Variants in CENPK observed in about 807,000 individuals in gnomAD.
CENPK encodes the protein centromere protein K.
CENPK carries 46 observed loss-of-function variants against 40.9 expected under a neutral mutation model. That is an observed-to-expected ratio of 1.13 (90% confidence interval 0.89 to 1.44). The LOEUF (loss-of-function observed/expected upper bound fraction) is 1.44. Among genes scored for constraint, CENPK ranks in the 40% most tolerant of loss-of-function variants. CENPK has a pLI of 0.00. For synonymous variants in CENPK, 107 were observed against 104.4 expected (o/e 1.02, Z -0.15); for missense variants, 288 against 303.5 (o/e 0.95, Z 0.38).
At chr5:65,558,851 T>A (rs1056820499) in intron 2 of CENPK, among the ~76,000 whole-genome samples, 2 of 152,200 alleles carry the variant, frequency 1.3e-5, no homozygotes, top group East Asian at 3.9e-4. Flanking sequence ...TATTGGATCA[T>A]CTATAAGGAT....
chr5:65,512,712 T>C, the CENPK span, among the ~76,000 whole-genome samples: 2 of 152,264 alleles, frequency 1.3e-5, no homozygotes, highest in Admixed American at 6.5e-5. Flanking sequence ...ATTTGTTTTA[T>C]TGCAGTTGTC....
chr5:65,549,480 T>A lies in CENPK; in HGVS notation c.241+2084A>T, dbSNP rs144495806. Among the ~76,000 whole-genome samples, 286 of 152,336 alleles carry A rather than the reference T, an allele frequency of 1.9e-3. 3 individuals carry two copies. Among genetic ancestry groups the A allele is most frequent in the African/African-American group, 6.8e-3 (282 of 41,574 alleles). On this transcript the variant is annotated intron_variant, in intron 5 of 10. Coordinates refer to ENST00000396679, the MANE Select transcript of CENPK (RefSeq NM_022145.5). ...AGCCAGGCATCAACTTCTCTCTAAC[T>A]ATAAGAGTCCTAGATGGCATCTTCT...
At chr5:65,506,096 C>T in the CENPK span, among the ~76,000 whole-genome samples, 1 of 152,022 alleles carries the variant, frequency 6.6e-6, no homozygotes, top group Non-Finnish European at 1.5e-5. Flanking sequence ...GTTCCTTGCT[C>T]TTTTTAACCA....
chr5:65,528,681 A>T (rs1186543552), intron 8 of CENPK, 103 bp from the exon 9 acceptor site: 7 of 1,312,658 alleles, frequency 5.3e-6, no homozygotes, highest in African/African-American at 1.5e-5. Flanking sequence ...TTAAAACTTC[A>T]TTTGCTCAAA....
chr5:65,498,744 A>G, the CENPK span, among the ~76,000 whole-genome samples: 1 of 150,036 alleles, frequency 6.7e-6, no homozygotes, highest in Admixed American at 6.6e-5. Flanking sequence ...AATAACCTCA[A>G]ATTCCTGGGT....
At chr5:65,517,082 C>T (rs1275855796), downstream of CENPK, among the ~76,000 whole-genome samples, 3 of 151,984 alleles carry the variant, frequency 2.0e-5, no homozygotes, top group Admixed American at 2.0e-4. Flanking sequence ...GCTGGGATTA[C>T]AGGTGTGCAC....
At chr5:65,507,476 G>A in the CENPK span, among the ~76,000 whole-genome samples, 2 of 152,120 alleles carry the variant, frequency 1.3e-5, no homozygotes, top group Non-Finnish European at 2.9e-5. Flanking sequence ...GGCTATCTTT[G>A]CATTAGATTC....
chr5:65,497,825 G>A, the CENPK span, among the ~76,000 whole-genome samples: 1 of 152,170 alleles, frequency 6.6e-6, no homozygotes, highest in South Asian at 2.1e-4. Flanking sequence ...AGCTATGATT[G>A]TGCCATTGCA....
chr5:65,547,521 T>C (rs896213165), intron 5 of CENPK, among the ~76,000 whole-genome samples: 5 of 151,956 alleles, frequency 3.3e-5, no homozygotes, highest in Non-Finnish European at 7.4e-5. Context: ...CTATTAGAAA[T>C]GCTCAAATTA....
chr5:65,540,961 T>TCA (rs1747863877), intron 6 of CENPK, among the ~76,000 whole-genome samples: 1 of 151,554 alleles, frequency 6.6e-6, no homozygotes, highest in African/African-American at 2.4e-5. Context: ...GCACACACCA[T>TCA]CACACACACA....
intron 3 of CENPK, among the ~76,000 whole-genome samples, chr5:65,553,966 A>G: frequency 6.6e-6 from 1 of 152,114 alleles, no homozygotes; most frequent in East Asian, 1.9e-4. Context: ...CTGGTCCCTG[A>G]TTACTTCTCC....
chr5:65,552,478 G>A lies in CENPK; in HGVS notation c.168+15C>T. 6.7e-7 allele frequency: 1 copy of A among 1,486,392 alleles called. No homozygotes were observed. 92.1% of individuals were successfully genotyped at this position (1,486,392 alleles called of 1,614,324 possible). On this transcript the variant is annotated intron_variant, in intron 4 of 10. Transcript: ENST00000396679. ...CCACTTACCTTGTATTTTTTAGGAA[G>A]AAAAAGATTCATACCTGAGCATTTG...
intron 2 of CENPK, 118 bp from the exon 3 acceptor site, chr5:65,555,064 C>A: frequency 1.7e-6 from 1 of 577,560 alleles, no homozygotes. Context: ...ATCCCTCCTA[C>A]CGTGAACCTT....
Position 65,529,105 on chromosome 5 carries a change from A to G in CENPK, c.371+12T>C, listed in dbSNP as rs779041711. On this transcript the variant is annotated intron_variant, in intron 7 of 10. Transcript: ENST00000396679. ...ATATGAATGATTAATAGTAATTGTA[A>G]CATAAACAAACCTTTCTAAGTCTTC... 1.3e-6 allele frequency: 2 copies of G among 1,580,916 alleles called. No homozygotes were observed. The highest frequency in any genetic ancestry group is 2.2e-5 in the East Asian group (1 of 44,542).
At chr5:65,523,280 C>T (rs1316086730) in intron 9 of CENPK, among the ~76,000 whole-genome samples, 1 of 152,126 alleles carries the variant, frequency 6.6e-6, no homozygotes, top group Admixed American at 6.5e-5. Context: ...TTCAACAGGA[C>T]AGACTCTAAA....
At chr5:65,540,484 T>C (rs1747774060) in intron 6 of CENPK, among the ~76,000 whole-genome samples, 1 of 152,120 alleles carries the variant, frequency 6.6e-6, no homozygotes, top group Non-Finnish European at 1.5e-5. Flanking sequence ...AGCCCCTCAG[T>C]AACATCAGGA....
At chr5:65,539,726 C>G (rs539640417) in intron 6 of CENPK, among the ~76,000 whole-genome samples, 1 of 152,356 alleles carries the variant, frequency 6.6e-6, no homozygotes, top group African/African-American at 2.4e-5. Flanking sequence ...CACCATGGCT[C>G]TCCTGGACTG....
At chr5:65,498,874 A>C in the CENPK span, among the ~76,000 whole-genome samples, 29 of 151,998 alleles carry the variant, frequency 1.9e-4, no homozygotes, top group African/African-American at 6.3e-4. Context: ...ACTGGTCTTG[A>C]GAACAGGCTT....
chr5:65,528,975 A>C lies in CENPK; in HGVS notation c.414T>G (p.Ser138=), dbSNP rs750466231. 3 of 1,610,876 alleles carry C rather than the reference A, an allele frequency of 1.9e-6. No individual in the cohort carries two copies. The Admixed American group carries it at 5.0e-5, about 27-fold the overall frequency. The change falls in exon 8 of 11, where the codon TCT becomes TCG. Residue 138 remains serine (S), a synonymous_variant. Transcript: ENST00000396679. Reference sequence around the variant, plus strand: ...TCAATTCACTGTGTAGTACATTAAGAGATTCCATTATCTGTTGCTGTTCAT... The same window carrying C: ...TCAATTCACTGTGTAGTACATTAAGCGATTCCATTATCTGTTGCTGTTCAT... ...WLDEQQQIME[S]LNVLHSELKN...
Sources: gnomAD v4.1 joint callset for allele counts (sites outside exome capture counted in the v4.1 genomes callset) on GRCh38, gnomAD v4.1.1 for gene constraint, MANE v1.5 for transcripts, NCBI Gene and HGNC (gene_info 2026-07-23, HGNC 2026-07-21) for gene names.